NBAS: variants seen among roughly 807,000 people sequenced by gnomAD.
NBAS encodes NBAS subunit of NRZ tethering complex, also known as NAG/BC035112 fusion.
NBAS carries 219 observed loss-of-function variants against 302.5 expected under a neutral mutation model. The ratio of observed to expected loss-of-function variants is 0.72; its 90% CI spans 0.65 to 0.81. The LOEUF is 0.81. NBAS is among the 30% of genes least tolerant of loss of function. The pLI, the probability that NBAS is intolerant of heterozygous loss-of-function variation, is 0.00. For synonymous variants in NBAS, 1,118 were observed against 1,021.6 expected, an observed-to-expected ratio of 1.09 and a Z score of -1.80; for missense variants, 2,932 against 2,841.6, an observed-to-expected ratio of 1.03 and a Z score of -0.72.
At chr2:15,225,327 A>G (rs1667108872) in intron 47 of NBAS, among the ~76,000 whole-genome samples, 1 of 152,178 alleles carries the variant, frequency 6.6e-6, no homozygotes, top group Non-Finnish European at 1.5e-5. Flanking sequence ...TATTGCGGTA[A>G]CAGAGTGGAT....
chr2:15,030,492 A>G, the NBAS span, among the ~76,000 whole-genome samples: 28 of 152,230 alleles, frequency 1.8e-4, no homozygotes, highest in Non-Finnish European at 1.2e-4. Context: ...TCTTTACCCA[A>G]CATGGCCTTG....
At chr2:15,208,286 T>C (rs1666239637) in intron 48 of NBAS, among the ~76,000 whole-genome samples, 1 of 152,144 alleles carries the variant, frequency 6.6e-6, no homozygotes, top group Non-Finnish European at 1.5e-5. Flanking sequence ...CCAGATCTTA[T>C]GAGATTTATT....
chr2:15,014,176 A>G, the NBAS span, among the ~76,000 whole-genome samples: 9 of 152,312 alleles, frequency 5.9e-5, no homozygotes, highest in East Asian at 1.5e-3. Context: ...ATCTAAAAGG[A>G]GAGATAGACA....
intron 35 of NBAS, among the ~76,000 whole-genome samples, chr2:15,334,827 C>T (rs1267007020): frequency 4.6e-5 from 7 of 152,192 alleles, no homozygotes; most frequent in South Asian, 2.1e-4. Flanking sequence ...TATTTTAACA[C>T]GCTTATGTAA....
At chr2:14,893,908 G>T in the NBAS span, among the ~76,000 whole-genome samples, 1 of 152,158 alleles carries the variant, frequency 6.6e-6, no homozygotes, top group Non-Finnish European at 1.5e-5. Context: ...CCTTAATTCT[G>T]CCCAAACCTT....
At chr2:15,021,800 A>G in the NBAS span, among the ~76,000 whole-genome samples, 4 of 152,200 alleles carry the variant, frequency 2.6e-5, no homozygotes, top group Non-Finnish European at 5.9e-5. Context: ...CTTGTCTTCC[A>G]ACAGAGATTA....
chr2:15,361,252 C>A (rs913588965), intron 32 of NBAS, among the ~76,000 whole-genome samples: 3 of 152,144 alleles, frequency 2.0e-5, no homozygotes, highest in Non-Finnish European at 4.4e-5. Flanking sequence ...GTGGCTCACA[C>A]CTGTAATCCT....
rs1165259138 is a variant in NBAS at position 15,327,770 on chromosome 2, TCTC to T, written c.4559_4561del (p.Gly1520del). On this transcript the variant is annotated inframe_deletion, in exon 38 of 52. Transcript: ENST00000281513. ...CTTACCTTCAGTTGTTGGAAATACTTCTCCTTTATTTTTAGCCTCTGCCAATTT... is the reference window on the plus strand; with the variant it reads ...CTTACCTTCAGTTGTTGGAAATACTTCTTTATTTTTAGCCTCTGCCAATTT... 1 of 1,613,692 alleles carries T rather than the reference TCTC, an allele frequency of 6.2e-7. No individual in the cohort carries two copies. Among genetic ancestry groups the T allele is most frequent in the South Asian group, 1.1e-5 (1 of 91,068 alleles).
At chr2:15,364,240 TGC>T (rs1254081930) in intron 32 of NBAS, among the ~76,000 whole-genome samples, 1 of 152,098 alleles carries the variant, frequency 6.6e-6, no homozygotes, top group Non-Finnish European at 1.5e-5. Flanking sequence ...GATTTGAAAA[TGC>T]CTTGAAGCAG....
chr2:15,148,957 G>C, the NBAS span, among the ~76,000 whole-genome samples: 1 of 152,110 alleles, frequency 6.6e-6, no homozygotes, highest in East Asian at 1.9e-4. Context: ...AAGAGTTAAG[G>C]TTTTTAATAG....
chr2:14,934,818 A>T, the NBAS span, among the ~76,000 whole-genome samples: 1 of 152,126 alleles, frequency 6.6e-6, no homozygotes, highest in Admixed American at 6.6e-5. Flanking sequence ...AGAATTCTAG[A>T]TCCAAAATTA....
the NBAS span, among the ~76,000 whole-genome samples, chr2:14,901,153 T>C: frequency 4.6e-3 from 693 of 152,272 alleles, 9 homozygotes; most frequent in African/African-American, 0.016. Context: ...GAAATAACAA[T>C]AATGTCAGCA....
intron 21 of NBAS, among the ~76,000 whole-genome samples, chr2:15,430,688 C>A (rs1053306505): frequency 1.1e-4 from 17 of 152,236 alleles, no homozygotes; most frequent in African/African-American, 4.1e-4. Flanking sequence ...AGCTAGCATA[C>A]TAAACTGCCT....
intron 44 of NBAS, among the ~76,000 whole-genome samples, chr2:15,271,438 G>A (rs1669317278): frequency 6.6e-6 from 1 of 152,194 alleles, no homozygotes; most frequent in Non-Finnish European, 1.5e-5. Flanking sequence ...GTTTACGATG[G>A]CAATGAATCA....
chr2:14,988,509 C>T, the NBAS span, among the ~76,000 whole-genome samples: 1 of 152,244 alleles, frequency 6.6e-6, no homozygotes, highest in South Asian at 2.1e-4. Flanking sequence ...TTTCAGGGTG[C>T]TTCGGCTCCC....
At chr2:14,834,537 T>C in the NBAS span, among the ~76,000 whole-genome samples, 1 of 152,160 alleles carries the variant, frequency 6.6e-6, no homozygotes, top group Admixed American at 6.6e-5. Context: ...CTGAGGCTCA[T>C]AGCAGATTGT....
At chr2:15,062,415 A>G in the NBAS span, among the ~76,000 whole-genome samples, 16 of 152,022 alleles carry the variant, frequency 1.1e-4, no homozygotes, top group Non-Finnish European at 1.9e-4. Context: ...ATATTTTAAA[A>G]CCCCATGTCA....
At chr2:15,467,285 CAGAT>C (rs1679763388) in intron 19 of NBAS, 40 bp downstream of exon 19, 2 of 1,334,538 alleles carry the variant, frequency 1.5e-6, no homozygotes, top group East Asian at 4.6e-5. Context: ...TTTATAATGA[CAGAT>C]CAAATGAACA....
intron 38 of NBAS, among the ~76,000 whole-genome samples, chr2:15,313,696 C>T (rs939133400): frequency 3.9e-5 from 6 of 152,204 alleles, no homozygotes; most frequent in Non-Finnish European, 8.8e-5. Flanking sequence ...GCATCTCCTC[C>T]AGAAATGCTG....
Sources: allele counts gnomAD v4.1 joint callset (sites outside exome capture counted in the v4.1 genomes callset), GRCh38; gene constraint gnomAD v4.1.1; transcripts MANE v1.5; gene names NCBI Gene and HGNC (gene_info 2026-07-23, HGNC 2026-07-21).